The following CBR4 variants were observed in gnomAD, a reference collection of about 807,000 sequenced individuals.
CBR4 encodes the protein 3-oxoacyl-[acyl-carrier-protein] reductase.
A neutral mutation model predicts 21.0 loss-of-function variants in CBR4; 22 were observed. The observed-to-expected ratio is 1.05, with a 90% CI of 0.75 to 1.50. The LOEUF is 1.50. Among genes scored for constraint, CBR4 ranks in the 40% most tolerant of loss-of-function variants. The pLI is 0.00. For missense variants in CBR4, 302 were observed against 286.3 expected (o/e 1.05, Z -0.40); for synonymous variants, 100 against 104.4 (o/e 0.96, Z 0.26).
rs111363695 is a variant in CBR4, at chr4:168,969,736, C to T, written n.169+32335G>A. On this transcript the variant is annotated intron_variant and non_coding_transcript_variant, in intron 2 of 3. Transcript: ENST00000509108. Reference sequence around the variant, plus strand: ...CTCATATTTAAGAGATCCCGCTGATCTACATACTCTTCAACTTTGCAACTG... The same window carrying T: ...CTCATATTTAAGAGATCCCGCTGATTTACATACTCTTCAACTTTGCAACTG... Among the ~76,000 whole-genome samples, 725 of 152,304 alleles carry T rather than the reference C, an allele frequency of 4.8e-3. 1 individual carries two copies. The highest frequency in any genetic ancestry group is 8.7e-3 in the Non-Finnish European group (590 of 68,018).
intron 2 of CBR4, among the ~76,000 whole-genome samples, chr4:168,906,991 G>C (rs1429587141): frequency 6.6e-6 from 1 of 152,206 alleles, no homozygotes; most frequent in Non-Finnish European, 1.5e-5. Context: ...TGCAGTACAG[G>C]GGTTATGAGC....
intron 2 of CBR4, among the ~76,000 whole-genome samples, chr4:168,897,467 G>C (rs1332332542): frequency 6.6e-6 from 1 of 151,982 alleles, no homozygotes; most frequent in Non-Finnish European, 1.5e-5. Flanking sequence ...TTGTTTTGGA[G>C]ACAGGGTCTC....
At chr4:168,991,860 C>T (rs756357008) in intron 4 of CBR4, among the ~76,000 whole-genome samples, 1 of 152,094 alleles carries the variant, frequency 6.6e-6, no homozygotes, top group Non-Finnish European at 1.5e-5. Flanking sequence ...TTCAACATGA[C>T]GTGTGAAGTA....
At chr4:168,915,310 G>A (rs1759880288) in intron 2 of CBR4, among the ~76,000 whole-genome samples, 1 of 151,942 alleles carries the variant, frequency 6.6e-6, no homozygotes, top group Non-Finnish European at 1.5e-5. Context: ...GGTTTCTCTG[G>A]CAACCTTTAA....
intron 2 of CBR4, among the ~76,000 whole-genome samples, chr4:168,900,617 A>G (rs1756299633): frequency 6.6e-6 from 1 of 152,196 alleles, no homozygotes; most frequent in African/African-American, 2.4e-5. Flanking sequence ...AAGTTTTACC[A>G]TCATGTTCTT....
chr4:168,944,424 G>T (rs974962431), intron 2 of CBR4, among the ~76,000 whole-genome samples: 1 of 152,000 alleles, frequency 6.6e-6, no homozygotes, highest in Non-Finnish European at 1.5e-5. Flanking sequence ...GTTACAATGA[G>T]CCATGATCAC....
intron 2 of CBR4, among the ~76,000 whole-genome samples, chr4:168,943,029 T>C (rs904685286): frequency 6.6e-6 from 1 of 152,210 alleles, no homozygotes; most frequent in Admixed American, 6.5e-5. Context: ...GAATGTAGAC[T>C]AGCACAACCT....
intron 2 of CBR4, among the ~76,000 whole-genome samples, chr4:168,960,863 G>A (rs533830062): frequency 2.6e-5 from 4 of 152,284 alleles, no homozygotes; most frequent in African/African-American, 7.2e-5. Context: ...GTAGGTATGC[G>A]GTGGCATCTA....
At chr4:168,917,976 G>T (rs960143093) in intron 2 of CBR4, among the ~76,000 whole-genome samples, 1 of 151,958 alleles carries the variant, frequency 6.6e-6, no homozygotes, top group African/African-American at 2.4e-5. Flanking sequence ...TGAGGCGGGC[G>T]GATCACGAGG....
chr4:169,000,379 GAA>G (rs200093226), intron 4 of CBR4, among the ~76,000 whole-genome samples: 2 of 132,394 alleles, frequency 1.5e-5, no homozygotes, highest in Admixed American at 7.6e-5. Flanking sequence ...GTTGCTATGA[GAA>G]AAAAAAAAAA....
chr4:168,926,315 C>T lies in CBR4; in HGVS notation n.170-31550G>A, dbSNP rs1314886283. 3.9e-6 allele frequency: 6 copies of T among 1,537,090 alleles called. No individual in the cohort carries two copies. The African/African-American group carries it at 4.1e-5, about 11-fold the overall frequency. On this transcript the variant is annotated intron_variant and non_coding_transcript_variant, in intron 2 of 3. Transcript: ENST00000509108. ...GACCAGGGACTAGACATCAAAGCAGCGTTCCAACCTGAGGCCAACCCATCT... is the reference window on the plus strand; with the variant it reads ...GACCAGGGACTAGACATCAAAGCAGTGTTCCAACCTGAGGCCAACCCATCT...
At chr4:168,970,285 G>A (rs1341276680) in intron 2 of CBR4, among the ~76,000 whole-genome samples, 4 of 151,700 alleles carry the variant, frequency 2.6e-5, no homozygotes, top group Non-Finnish European at 2.9e-5. Context: ...AAGAATTCCC[G>A]CCACACCCCA....
chr4:168,923,641 C>T (rs566228467), intron 2 of CBR4, among the ~76,000 whole-genome samples: 1 of 151,518 alleles, frequency 6.6e-6, no homozygotes, highest in South Asian at 2.1e-4. Flanking sequence ...TTTTTATAAC[C>T]TTCAAAGAAT....
At chr4:168,911,711 G>A (rs1758990418) in intron 2 of CBR4, among the ~76,000 whole-genome samples, 1 of 152,180 alleles carries the variant, frequency 6.6e-6, no homozygotes, top group East Asian at 1.9e-4. Context: ...TGTTTGCCAA[G>A]AGTTTAGCAT....
chr4:168,949,107 AT>A (rs1763471343), intron 2 of CBR4, among the ~76,000 whole-genome samples: 1 of 152,022 alleles, frequency 6.6e-6, no homozygotes, highest in Non-Finnish European at 1.5e-5. Context: ...ACTCCAGAGT[AT>A]TTAAATTTTT....
chr4:168,910,689 T>A (rs1305497070), intron 2 of CBR4, among the ~76,000 whole-genome samples: 1 of 152,184 alleles, frequency 6.6e-6, no homozygotes, highest in Non-Finnish European at 1.5e-5. Context: ...GGCCTTGTTT[T>A]ACAGAGAAGG....
chr4:168,963,116 T>C (rs911011245), intron 2 of CBR4, among the ~76,000 whole-genome samples: 13 of 152,194 alleles, frequency 8.5e-5, no homozygotes, highest in Non-Finnish European at 1.5e-4. Context: ...TCCATGTTCA[T>C]TCCACTGAAA....
chr4:168,948,814 G>T (rs1578921783), intron 2 of CBR4, among the ~76,000 whole-genome samples: 1 of 152,242 alleles, frequency 6.6e-6, no homozygotes, highest in East Asian at 1.9e-4. Context: ...CTCCAGATTT[G>T]TTCTTTTCAT....
chr4:168,925,274 C>CCCAA (rs1560938615), intron 2 of CBR4: 5 of 1,601,954 alleles, frequency 3.1e-6, no homozygotes, highest in Non-Finnish European at 4.3e-6. Context: ...AGAACAAATA[C>CCCAA]CCAAGTATCA....
Sources: gnomAD v4.1 joint callset for allele counts (sites outside exome capture counted in the v4.1 genomes callset) on GRCh38, gnomAD v4.1.1 for gene constraint, MANE v1.5 for transcripts, NCBI Gene and HGNC (gene_info 2026-07-23, HGNC 2026-07-21) for gene names.